Variants in XYLT1 observed in about 807,000 individuals in gnomAD.
XYLT1 encodes beta-D-xylosyltransferase 1.
In XYLT1, 36 loss-of-function variants were observed where a neutral mutation model predicts 91.3. The ratio of observed to expected loss-of-function variants is 0.39; its 90% confidence interval spans 0.30 to 0.52. XYLT1 has a LOEUF of 0.52. Ranked by LOEUF, XYLT1 falls within the 20% of genes least tolerant of loss-of-function variation. The probability of loss-of-function intolerance (pLI) is 0.68; values close to 1 mark genes in which losing one functional copy is unlikely to be tolerated. For missense variants in XYLT1, 1,242 were observed against 1,284.5 expected (o/e 0.97, Z 0.51); for synonymous variants, 588 against 532.0 (o/e 1.11, Z -1.45).
chr16:17,141,493 G>T, intron 6 of XYLT1, 124 bp from the exon 7 acceptor site: 1 of 930,336 alleles, frequency 1.1e-6, no homozygotes. Context: ...CTGTGTGCCA[G>T]GTACTGCTCC....
intron 1 of XYLT1, among the ~76,000 whole-genome samples, chr16:17,457,843 A>G (rs1175217357): frequency 2.0e-5 from 3 of 152,238 alleles, no homozygotes; most frequent in African/African-American, 7.2e-5. Flanking sequence ...AAAAATAAAC[A>G]GAAAACAGCC....
intron 5 of XYLT1, among the ~76,000 whole-genome samples, chr16:17,165,046 T>C (rs746685737): frequency 6.6e-6 from 1 of 152,164 alleles, no homozygotes; most frequent in Non-Finnish European, 1.5e-5. Flanking sequence ...ACCCAATGTA[T>C]AGAAAACAAG....
intron 6 of XYLT1, 74 bp from the exon 7 acceptor site, chr16:17,141,443 C>A: frequency 7.0e-7 from 1 of 1,436,886 alleles, no homozygotes. Flanking sequence ...CCAAATAAAA[C>A]AACACAATCA....
chr16:17,435,894 G>A (rs2036452433), intron 1 of XYLT1, among the ~76,000 whole-genome samples: 1 of 152,226 alleles, frequency 6.6e-6, no homozygotes, highest in Non-Finnish European at 1.5e-5. Context: ...TCCAACTAAA[G>A]GCAGGAAGTA....
intron 5 of XYLT1, among the ~76,000 whole-genome samples, chr16:17,194,793 T>C (rs902750088): frequency 9.2e-5 from 14 of 152,230 alleles, no homozygotes; most frequent in South Asian, 2.1e-4. Flanking sequence ...CACATGACAT[T>C]GGGCCTCAGT....
At chr16:17,327,287 C>T (rs188037474) in intron 2 of XYLT1, among the ~76,000 whole-genome samples, 1 of 151,996 alleles carries the variant, frequency 6.6e-6, no homozygotes, top group Admixed American at 6.6e-5. Flanking sequence ...AGATAAAACA[C>T]CTGTCAACAA....
At chr16:17,344,281 G>C (rs1247870527) in intron 2 of XYLT1, among the ~76,000 whole-genome samples, 1 of 149,602 alleles carries the variant, frequency 6.7e-6, no homozygotes, top group Non-Finnish European at 1.5e-5. Flanking sequence ...AGGAGATTGA[G>C]ACCATCCTGG....
Position 17,454,575 on chromosome 16 carries a change from C to T in XYLT1, c.363+15859G>A, listed in dbSNP as rs2036711040. 1.3e-5 allele frequency among the ~76,000 whole-genome samples: 2 copies of T among 149,804 alleles called. 1 individual carries two copies. The highest frequency in any genetic ancestry group is 4.2e-4 in the South Asian group (2 of 4,778). ...TTTTTGAGATACAGTGTTACTCTGT[C>T]ATCCAGGCTGAAGTACAGTGGCACA... On this transcript the variant is annotated intron_variant, in intron 1 of 11. Transcript: ENST00000261381.
At chr16:17,470,160 CCCAG>C (rs2036964838) in intron 1 of XYLT1, among the ~76,000 whole-genome samples, 1 of 152,160 alleles carries the variant, frequency 6.6e-6, no homozygotes, top group African/African-American at 2.4e-5. Flanking sequence ...GGAACAGGAA[CCCAG>C]CCAGGCTCCG....
At chr16:17,400,107 A>G (rs557723383) in intron 1 of XYLT1, among the ~76,000 whole-genome samples, 1 of 152,328 alleles carries the variant, frequency 6.6e-6, no homozygotes, top group Admixed American at 6.5e-5. Flanking sequence ...TCCTGGCAAC[A>G]GCAGCTTTCT....
At chr16:17,229,344 G>A (rs2033123405) in intron 3 of XYLT1, among the ~76,000 whole-genome samples, 1 of 152,212 alleles carries the variant, frequency 6.6e-6, no homozygotes, top group African/African-American at 2.4e-5. Context: ...GACCCCAGCT[G>A]TGGGCTTATG....
intron 2 of XYLT1, among the ~76,000 whole-genome samples, chr16:17,328,548 CAAAAAAAA>C (rs71373105): frequency 2.3e-4 from 12 of 51,256 alleles, no homozygotes; most frequent in Admixed American, 5.2e-4. Flanking sequence ...GACTCCTTCT[CAAAAAAAA>C]AAAAAAAAAA....
At chr16:17,310,022 C>T (rs565865931) in intron 2 of XYLT1, among the ~76,000 whole-genome samples, 4 of 152,274 alleles carry the variant, frequency 2.6e-5, no homozygotes, top group South Asian at 2.1e-4. Context: ...CACATCATCC[C>T]TGTAAAGATG....
chr16:17,141,428 A>G, intron 6 of XYLT1, 59 bp from the exon 7 acceptor site: 3 of 1,535,206 alleles, frequency 2.0e-6, no homozygotes, highest in Non-Finnish European at 1.8e-6. Context: ...AACTCCAGCC[A>G]GAGTCCAAAT....
At chr16:17,233,664 A>T (rs1204867420) in intron 3 of XYLT1, among the ~76,000 whole-genome samples, 1 of 152,126 alleles carries the variant, frequency 6.6e-6, no homozygotes, top group African/African-American at 2.4e-5. Flanking sequence ...TCAGATTAAA[A>T]CTCAGATTTC....
At chr16:17,264,000 T>G (rs1241911327) in intron 2 of XYLT1, among the ~76,000 whole-genome samples, 1 of 149,956 alleles carries the variant, frequency 6.7e-6, no homozygotes, top group Non-Finnish European at 1.5e-5. Flanking sequence ...TAATAACACT[T>G]AACATGAGAT....
chr16:17,345,153 T>C (rs2035126591), intron 2 of XYLT1, among the ~76,000 whole-genome samples: 1 of 152,244 alleles, frequency 6.6e-6, no homozygotes, highest in Non-Finnish European at 1.5e-5. Flanking sequence ...CAGCCTCTGC[T>C]ACTCTGACCA....
chr16:17,382,843 A>C (rs1328326423), intron 1 of XYLT1, among the ~76,000 whole-genome samples: 4 of 152,036 alleles, frequency 2.6e-5, no homozygotes, highest in South Asian at 4.1e-4. Flanking sequence ...GACCGCAAGA[A>C]GGAGTAACTC....
chr16:17,448,549 A>T (rs890968834), intron 1 of XYLT1, among the ~76,000 whole-genome samples: 7 of 152,112 alleles, frequency 4.6e-5, no homozygotes. Flanking sequence ...AACACAATCT[A>T]GTCCCCACAC....
Sources: gnomAD v4.1 joint callset for allele counts (sites outside exome capture counted in the v4.1 genomes callset) on GRCh38, gnomAD v4.1.1 for gene constraint, MANE v1.5 for transcripts, NCBI Gene and HGNC (gene_info 2026-07-23, HGNC 2026-07-21) for gene names.